Variants in GALNT13 observed in about 807,000 individuals in gnomAD.
The protein encoded by GALNT13 is UDP-GalNAc:polypeptide N-acetylgalactosaminyltransferase 13.
In GALNT13, 28 loss-of-function variants were observed where a neutral mutation model predicts 64.2. The ratio of observed to expected loss-of-function variants is 0.44; its 90% CI spans 0.32 to 0.60. The LOEUF (loss-of-function observed/expected upper bound fraction) is 0.60. GALNT13 is among the 20% of genes least tolerant of loss of function. GALNT13 has a pLI of 0.05. For synonymous variants in GALNT13, 214 were observed against 224.6 expected (o/e 0.95, Z 0.42); for missense variants, 577 against 669.8 (o/e 0.86, Z 1.53).
At chr2:153,362,491 T>C in the GALNT13 span, among the ~76,000 whole-genome samples, 1 of 139,416 alleles carries the variant, frequency 7.2e-6, no homozygotes, top group African/African-American at 2.7e-5. Context: ...ACATCTCATG[T>C]GCAAGGACAC....
the GALNT13 span, among the ~76,000 whole-genome samples, chr2:153,768,411 T>C: frequency 6.6e-6 from 1 of 152,230 alleles, no homozygotes; most frequent in African/African-American, 2.4e-5. Context: ...GTACTATTAT[T>C]GTATTGCTAT....
At chr2:154,366,632 G>A (rs1697376250) in intron 9 of GALNT13, among the ~76,000 whole-genome samples, 1 of 152,162 alleles carries the variant, frequency 6.6e-6, no homozygotes, top group South Asian at 2.1e-4. Flanking sequence ...TCTGAGCAGT[G>A]TTAATCAGGT....
the GALNT13 span, among the ~76,000 whole-genome samples, chr2:153,429,476 C>G: frequency 6.6e-6 from 1 of 152,036 alleles, no homozygotes; most frequent in Non-Finnish European, 1.5e-5. Flanking sequence ...AAATGACTGG[C>G]ATGTGTGAAA....
the GALNT13 span, among the ~76,000 whole-genome samples, chr2:153,756,598 T>C: frequency 6.6e-6 from 1 of 152,154 alleles, no homozygotes; most frequent in South Asian, 2.1e-4. Flanking sequence ...TACCTTATTT[T>C]ATTTCTACTC....
intron 9 of GALNT13, among the ~76,000 whole-genome samples, chr2:154,376,001 G>A (rs1405829890): frequency 1.3e-5 from 2 of 152,126 alleles, no homozygotes; most frequent in African/African-American, 4.8e-5. Flanking sequence ...AATACGTTCA[G>A]CTTTTACAAA....
chr2:153,221,394 T>C, the GALNT13 span, among the ~76,000 whole-genome samples: 1 of 152,108 alleles, frequency 6.6e-6, no homozygotes, highest in African/African-American at 2.4e-5. Flanking sequence ...AAAAGTAAAG[T>C]GATGGAAAAA....
the GALNT13 span, among the ~76,000 whole-genome samples, chr2:153,704,857 T>TTAATAAATG: frequency 6.6e-6 from 1 of 152,202 alleles, no homozygotes; most frequent in East Asian, 1.9e-4. Flanking sequence ...TCCAATATTT[T>TTAATAAATG]TAATAAATGT....
the GALNT13 span, among the ~76,000 whole-genome samples, chr2:153,615,380 G>A: frequency 5.9e-5 from 9 of 152,066 alleles, no homozygotes; most frequent in South Asian, 2.1e-4. Context: ...CTTTATTTTC[G>A]TTGTATACCT....
chr2:154,395,938 G>C lies in GALNT13; in HGVS notation c.1157-53G>C, dbSNP rs1699033061. 4.0e-6 allele frequency: 6 copies of C among 1,505,334 alleles called. No homozygotes were observed. The African/African-American group carries it at 8.5e-5, about 21-fold the overall frequency. 93.2% of individuals were successfully genotyped at this position (1,505,334 alleles called of 1,614,324 possible). On this transcript the variant is annotated intron_variant, in intron 9 of 12. Transcript: ENST00000392825. ...ATAGCAAAGTAAATGTAGTAAAACA[G>C]TACTAAAACAAAAATAGCACAAACT...
the GALNT13 span, among the ~76,000 whole-genome samples, chr2:153,603,108 A>G: frequency 6.6e-6 from 1 of 151,882 alleles, no homozygotes; most frequent in Non-Finnish European, 1.5e-5. Context: ...TACAATAAAG[A>G]TATTTTCCAG....
chr2:153,479,728 T>A, the GALNT13 span, among the ~76,000 whole-genome samples: 247 of 152,328 alleles, frequency 1.6e-3, no homozygotes, highest in African/African-American at 5.6e-3. Flanking sequence ...CCATTTTCCA[T>A]AAGCTGATGT....
At chr2:153,263,955 ATTAAAC>A in the GALNT13 span, among the ~76,000 whole-genome samples, 1 of 152,340 alleles carries the variant, frequency 6.6e-6, no homozygotes. Context: ...ATGAGATCTA[ATTAAAC>A]TTAAGAGCTT....
the GALNT13 span, among the ~76,000 whole-genome samples, chr2:153,836,210 T>G: frequency 6.6e-6 from 1 of 152,004 alleles, no homozygotes; most frequent in South Asian, 2.1e-4. Context: ...GGAGAAAATG[T>G]TTTTATTGTA....
the GALNT13 span, among the ~76,000 whole-genome samples, chr2:153,610,294 T>A: frequency 6.6e-6 from 1 of 152,100 alleles, no homozygotes; most frequent in African/African-American, 2.4e-5. Flanking sequence ...GAAAAAAGAA[T>A]TTGAAACAGA....
At chr2:153,604,156 A>G in the GALNT13 span, among the ~76,000 whole-genome samples, 8 of 152,012 alleles carry the variant, frequency 5.3e-5, no homozygotes, top group Admixed American at 2.6e-4. Flanking sequence ...TTCTTCCACC[A>G]TAGTCTCCTC....
At chr2:153,669,486 G>A in the GALNT13 span, among the ~76,000 whole-genome samples, 1 of 152,132 alleles carries the variant, frequency 6.6e-6, no homozygotes, top group African/African-American at 2.4e-5. Context: ...ACCTGCACAT[G>A]TATCCTTAAG....
At chr2:153,636,316 A>G in the GALNT13 span, among the ~76,000 whole-genome samples, 4 of 152,110 alleles carry the variant, frequency 2.6e-5, no homozygotes, top group African/African-American at 9.7e-5. Flanking sequence ...CATATACTAC[A>G]TTTTAAAAAA....
At chr2:153,861,857 G>A in the GALNT13 span, among the ~76,000 whole-genome samples, 2 of 152,104 alleles carry the variant, frequency 1.3e-5, no homozygotes, top group African/African-American at 2.4e-5. Flanking sequence ...GGGATTACAG[G>A]CATGAGCCAT....
At chr2:154,217,559 C>T (rs1688110988) in intron 4 of GALNT13, among the ~76,000 whole-genome samples, 2 of 152,084 alleles carry the variant, frequency 1.3e-5, no homozygotes, top group Non-Finnish European at 2.9e-5. Flanking sequence ...TTGTTAGCCT[C>T]ATGAGTTTTA....
Sources: gnomAD v4.1 joint callset for allele counts (sites outside exome capture counted in the v4.1 genomes callset) on GRCh38, gnomAD v4.1.1 for gene constraint, MANE v1.5 for transcripts, NCBI Gene and HGNC (gene_info 2026-07-23, HGNC 2026-07-21) for gene names.